PPP1R12A: variants seen among roughly 807,000 people sequenced by gnomAD.
PPP1R12A encodes myosin binding subunit.
A neutral mutation model predicts 139.6 loss-of-function variants in PPP1R12A; 19 were observed. That is an observed-to-expected ratio of 0.14 (90% confidence interval 0.09 to 0.20). The LOEUF is 0.20. Ranked by LOEUF, PPP1R12A falls within the 10% of genes least tolerant of loss-of-function variation. The pLI is 1.00. For synonymous variants in PPP1R12A, 427 were observed against 420.6 expected, an observed-to-expected ratio of 1.02 and a Z score of -0.19; for missense variants, 925 against 1,211.5, an observed-to-expected ratio of 0.76 and a Z score of 3.51.
intron 1 of PPP1R12A, among the ~76,000 whole-genome samples, chr12:79,912,229 C>A (rs564915166): frequency 2.4e-4 from 37 of 152,326 alleles, no homozygotes; most frequent in African/African-American, 8.7e-4. Flanking sequence ...CATCCAAACT[C>A]TCAAAACCTT....
At chr12:79,830,401 T>C (rs926097567) in intron 4 of PPP1R12A, among the ~76,000 whole-genome samples, 1 of 152,178 alleles carries the variant, frequency 6.6e-6, no homozygotes, top group African/African-American at 2.4e-5. Flanking sequence ...AGTGAAAGCA[T>C]ATACCATAAT....
intron 1 of PPP1R12A, among the ~76,000 whole-genome samples, chr12:79,882,904 C>T (rs1251806902): frequency 3.3e-5 from 5 of 151,956 alleles, no homozygotes; most frequent in African/African-American, 4.8e-5. Context: ...TTTGGGAGGC[C>T]GAGGCGGGAG....
At position 79,822,182 on chromosome 12, in the gene PPP1R12A, T is replaced by C. The variant is rs760646683; in HGVS notation, c.801A>G (p.Thr267=). 67 of 1,588,912 alleles carry C rather than the reference T, an allele frequency of 4.2e-5. No homozygotes were observed. The highest frequency in any genetic ancestry group is 5.3e-5 in the Non-Finnish European group (62 of 1,165,046). The change falls in exon 6 of 25, where the codon ACA becomes ACG. Residue 267 remains threonine, a synonymous_variant. Transcript: ENST00000450142. The part of the protein sequence containing the change: ...DMEMVNKVGQ[T]AFDVADEDIL... ...TGTCTTCATCTGCTACATCAAAGGC[T>C]GTTTGGCCCTACGTAGGAAACAAGG...
At chr12:79,862,611 G>C (rs1881470699) in intron 2 of PPP1R12A, among the ~76,000 whole-genome samples, 1 of 152,196 alleles carries the variant, frequency 6.6e-6, no homozygotes, top group South Asian at 2.1e-4. Flanking sequence ...AACCAGTGTA[G>C]AGAAGAGCTA....
rs1462968828 is a variant in PPP1R12A, at chr12:79,807,063, T to C, written c.1655+163A>G. 2.0e-5 allele frequency: 9 copies of C among 450,406 alleles called. 1 individual carries two copies. The highest frequency in any genetic ancestry group is 3.5e-5 in the Non-Finnish European group (9 of 256,578). The allele number at this position is 450,406 out of a possible 1,614,324, so 27.9% of individuals were successfully genotyped here. ...GGCATAACAAATTATCACCTATCTT[T>C]AAATATATATCCTGTGTTTAGAGTA... On this transcript the variant is annotated intron_variant, in intron 12 of 24. Coordinates refer to ENST00000450142, the MANE Select transcript of PPP1R12A (RefSeq NM_002480.3).
intron 2 of PPP1R12A, among the ~76,000 whole-genome samples, chr12:79,854,218 TG>T (rs1290225730): frequency 5.3e-5 from 8 of 152,070 alleles, no homozygotes; most frequent in Non-Finnish European, 1.2e-4. Flanking sequence ...TGTGTGTGTG[TG>T]GCGGGGGGGC....
chr12:79,864,646 AC>A (rs1881757170), intron 2 of PPP1R12A, among the ~76,000 whole-genome samples: 1 of 152,234 alleles, frequency 6.6e-6, no homozygotes, highest in Non-Finnish European at 1.5e-5. Context: ...GGTCATCACC[AC>A]CAATCCCATA....
At chr12:79,781,541 T>A (rs960574791) in intron 23 of PPP1R12A, among the ~76,000 whole-genome samples, 1 of 152,080 alleles carries the variant, frequency 6.6e-6, no homozygotes, top group African/African-American at 2.4e-5. Flanking sequence ...TATCAAAATG[T>A]GTATAGTACA....
chr12:79,784,593 C>A (rs778731153), intron 22 of PPP1R12A, among the ~76,000 whole-genome samples: 4 of 152,166 alleles, frequency 2.6e-5, no homozygotes, highest in Admixed American at 2.6e-4. Flanking sequence ...CACAGATGAG[C>A]TGAGTCACCA....
At chr12:79,879,836 A>G (rs1555231134) in intron 1 of PPP1R12A, among the ~76,000 whole-genome samples, 1 of 152,052 alleles carries the variant, frequency 6.6e-6, no homozygotes, top group Non-Finnish European at 1.5e-5. Flanking sequence ...AGAGTTGTAT[A>G]CTTTACCAAT....
intron 1 of PPP1R12A, among the ~76,000 whole-genome samples, chr12:79,876,775 GC>G (rs1332828560): frequency 1.3e-5 from 2 of 152,144 alleles, no homozygotes; most frequent in Admixed American, 1.3e-4. Flanking sequence ...AAAGCGGGAG[GC>G]TGAGGCAGGT....
At chr12:79,837,468 G>T (rs1300254427) in intron 3 of PPP1R12A, among the ~76,000 whole-genome samples, 1 of 152,080 alleles carries the variant, frequency 6.6e-6, no homozygotes, top group Non-Finnish European at 1.5e-5. Context: ...CCAAAAGAAT[G>T]ATTAAAAAAC....
At chr12:79,823,921 C>T (rs963026240) in intron 5 of PPP1R12A, 4 of 152,118 alleles carry the variant, frequency 2.6e-5, no homozygotes, top group Non-Finnish European at 4.4e-5. Flanking sequence ...ATATAAAATA[C>T]TGCTTTTTCA....
At chr12:79,870,246 C>T (rs1012108714) in intron 2 of PPP1R12A, among the ~76,000 whole-genome samples, 2 of 152,026 alleles carry the variant, frequency 1.3e-5, no homozygotes, top group Admixed American at 6.6e-5. Flanking sequence ...CCTTAGCCTC[C>T]AGAGTAGCTG....
At chr12:79,934,564 G>GC in intron 1 of PPP1R12A, 131 bp downstream of exon 1, 2 of 842,844 alleles carry the variant, frequency 2.4e-6, no homozygotes, top group Admixed American at 3.4e-5. Flanking sequence ...TGGGGAAACC[G>GC]CCCCCTCACC....
chr12:79,837,540 T>C (rs921763687), intron 3 of PPP1R12A, among the ~76,000 whole-genome samples: 2 of 152,244 alleles, frequency 1.3e-5, no homozygotes, highest in Non-Finnish European at 2.9e-5. Flanking sequence ...CCACTACTAA[T>C]GATATGGTTT....
At chr12:79,817,048 T>C (rs1875487703) in intron 9 of PPP1R12A, among the ~76,000 whole-genome samples, 1 of 151,840 alleles carries the variant, frequency 6.6e-6, no homozygotes, top group Admixed American at 6.6e-5. Flanking sequence ...ATATAAAACC[T>C]GAGCTTCTCA....
At chr12:79,905,119 A>G (rs1184268127) in intron 1 of PPP1R12A, among the ~76,000 whole-genome samples, 2 of 152,136 alleles carry the variant, frequency 1.3e-5, no homozygotes, top group African/African-American at 4.8e-5. Flanking sequence ...ATGTTTTACT[A>G]TAGCTATTAC....
intron 1 of PPP1R12A, among the ~76,000 whole-genome samples, chr12:79,876,543 TA>T (rs1233163451): frequency 1.3e-5 from 2 of 152,188 alleles, no homozygotes; most frequent in Non-Finnish European, 2.9e-5. Context: ...TTTCTACACT[TA>T]ACACACTGCT....
Sources: allele counts gnomAD v4.1 joint callset (sites outside exome capture counted in the v4.1 genomes callset), GRCh38; gene constraint gnomAD v4.1.1; transcripts MANE v1.5; gene names NCBI Gene and HGNC (gene_info 2026-07-23, HGNC 2026-07-21).